The following ATG10 variants were observed in gnomAD, a reference collection of about 807,000 sequenced individuals.
ATG10 encodes the protein autophagy related 10.
ATG10 carries 30 observed loss-of-function variants against 32.1 expected under a neutral mutation model. That is an observed-to-expected ratio of 0.94 (90% CI 0.70 to 1.27). The LOEUF is 1.27. ATG10 is among the 50% of genes most tolerant of loss of function. The pLI is 0.00. For synonymous variants in ATG10, 87 were observed against 91.5 expected (o/e 0.95, Z 0.28); for missense variants, 233 against 262.3 (o/e 0.89, Z 0.77).
At chr5:81,987,873 TATC>T (rs1484813653) in intron 2 of ATG10, among the ~76,000 whole-genome samples, 195 bp downstream of exon 2, 1 of 149,664 alleles carries the variant, frequency 6.7e-6, no homozygotes, top group East Asian at 1.9e-4. Flanking sequence ...TATTGATTAT[TATC>T]AGGCTAATGA....
At chr5:82,110,326 G>T (rs557652450) in intron 3 of ATG10, among the ~76,000 whole-genome samples, 1 of 152,180 alleles carries the variant, frequency 6.6e-6, no homozygotes, top group South Asian at 2.1e-4. Flanking sequence ...GTAATGGGAT[G>T]GCTGGGTCAA....
At chr5:81,993,166 T>G (rs952022552) in intron 2 of ATG10, among the ~76,000 whole-genome samples, 2 of 152,118 alleles carry the variant, frequency 1.3e-5, no homozygotes, top group African/African-American at 4.8e-5. Context: ...GACATACTAC[T>G]TAATGTCTCC....
chr5:82,249,985 C>T (rs757952699), intron 5 of ATG10, among the ~76,000 whole-genome samples: 2 of 152,084 alleles, frequency 1.3e-5, no homozygotes, highest in East Asian at 1.9e-4. Context: ...GGAGTGTTTC[C>T]GTCTAGTGGA....
At chr5:82,229,352 T>C (rs987633668) in intron 5 of ATG10, among the ~76,000 whole-genome samples, 4 of 152,184 alleles carry the variant, frequency 2.6e-5, no homozygotes, top group African/African-American at 9.7e-5. Context: ...AAAAAATAAG[T>C]GTTGAAGAAC....
intron 3 of ATG10, among the ~76,000 whole-genome samples, chr5:82,126,919 T>C (rs1381494357): frequency 6.6e-6 from 1 of 152,168 alleles, no homozygotes; most frequent in Non-Finnish European, 1.5e-5. Context: ...CCTGGGCTTT[T>C]TTTGGTTGAT....
chr5:81,990,888 G>A (rs952424429), intron 2 of ATG10, among the ~76,000 whole-genome samples: 1 of 152,174 alleles, frequency 6.6e-6, no homozygotes, highest in Admixed American at 6.5e-5. Flanking sequence ...AGATTTGGGT[G>A]GAGAGATCTC....
chr5:82,065,952 A>G (rs1434931902), intron 3 of ATG10, among the ~76,000 whole-genome samples: 1 of 152,036 alleles, frequency 6.6e-6, no homozygotes, highest in Non-Finnish European at 1.5e-5. Flanking sequence ...GACTAGAGAG[A>G]CTAGAGTTGA....
At chr5:82,061,552 G>A (rs955723160) in intron 3 of ATG10, among the ~76,000 whole-genome samples, 7 of 151,352 alleles carry the variant, frequency 4.6e-5, no homozygotes, top group South Asian at 2.1e-4. Flanking sequence ...TAAACCTTCA[G>A]GTTTAATTAC....
At chr5:82,149,436 G>T (rs1416057540) in intron 3 of ATG10, among the ~76,000 whole-genome samples, 1 of 151,702 alleles carries the variant, frequency 6.6e-6, no homozygotes, top group African/African-American at 2.4e-5. Context: ...ACAGAACTTG[G>T]ATCTTGAATT....
intron 3 of ATG10, among the ~76,000 whole-genome samples, chr5:82,136,117 T>C (rs1392190148): frequency 6.6e-6 from 1 of 152,212 alleles, no homozygotes; most frequent in African/African-American, 2.4e-5. Flanking sequence ...CCTATGTGTG[T>C]CTTTGCACGT....
At chr5:82,114,642 C>T (rs532080555) in intron 3 of ATG10, among the ~76,000 whole-genome samples, 1 of 152,116 alleles carries the variant, frequency 6.6e-6, no homozygotes, top group Non-Finnish European at 1.5e-5. Flanking sequence ...GTTGGTCTCC[C>T]TTCTTGAGGA....
intron 5 of ATG10, among the ~76,000 whole-genome samples, chr5:82,223,353 T>G (rs1745999520): frequency 6.6e-6 from 1 of 152,248 alleles, no homozygotes; most frequent in African/African-American, 2.4e-5. Context: ...TCTGCACACT[T>G]GTGGCTCATA....
intron 5 of ATG10, among the ~76,000 whole-genome samples, chr5:82,207,137 A>G (rs766069361): frequency 2.0e-5 from 3 of 152,212 alleles, no homozygotes; most frequent in Admixed American, 6.5e-5. Flanking sequence ...CTTTTGATGC[A>G]TATATGTATG....
rs1459300552 is a variant in ATG10 at position 82,108,858 on chromosome 5, A to C, written c.216+50256A>C. On this transcript the variant is annotated intron_variant, in intron 3 of 7. Transcript: ENST00000282185. Reference sequence around the variant, plus strand: ...CCATTGCCTCCATAGATGTAAGGGAAGGAACAGCTAGGGGAGTGGGATGGG... The same window carrying C: ...CCATTGCCTCCATAGATGTAAGGGACGGAACAGCTAGGGGAGTGGGATGGG... 6.0e-5 allele frequency among the ~76,000 whole-genome samples: 9 copies of C among 151,170 alleles called. No homozygotes were observed. In the Admixed American group the frequency reaches 6.0e-4, roughly 10 times the overall value.
chr5:82,161,036 C>T (rs971816834), intron 3 of ATG10, among the ~76,000 whole-genome samples: 2 of 152,102 alleles, frequency 1.3e-5, no homozygotes, highest in African/African-American at 2.4e-5. Context: ...GTTCTAAAAC[C>T]ATCTGGCACT....
intron 2 of ATG10, among the ~76,000 whole-genome samples, chr5:81,988,495 G>A (rs970911576): frequency 3.3e-5 from 5 of 150,676 alleles, no homozygotes; most frequent in Admixed American, 2.6e-4. Context: ...GTACAGTGGC[G>A]CAATCTCGGC....
intron 2 of ATG10, among the ~76,000 whole-genome samples, chr5:81,998,642 C>T (rs1761738611): frequency 6.6e-6 from 1 of 151,826 alleles, no homozygotes; most frequent in Non-Finnish European, 1.5e-5. Context: ...TTCAAGAGAC[C>T]CATCTCACAT....
At chr5:82,216,514 A>G (rs960991168) in intron 5 of ATG10, among the ~76,000 whole-genome samples, 2 of 152,204 alleles carry the variant, frequency 1.3e-5, no homozygotes, top group Non-Finnish European at 2.9e-5. Context: ...GTATTGTTTT[A>G]AAATACCAGA....
At chr5:82,019,533 A>G (rs1301368721) in intron 2 of ATG10, among the ~76,000 whole-genome samples, 1 of 152,170 alleles carries the variant, frequency 6.6e-6, no homozygotes, top group Non-Finnish European at 1.5e-5. Flanking sequence ...CTGCCTACAG[A>G]GACTGCCCTG....
Sources: gnomAD v4.1 joint callset for allele counts (sites outside exome capture counted in the v4.1 genomes callset) on GRCh38, gnomAD v4.1.1 for gene constraint, MANE v1.5 for transcripts, NCBI Gene and HGNC (gene_info 2026-07-23, HGNC 2026-07-21) for gene names.